The following MRS2 variants were observed in gnomAD, a reference collection of about 807,000 sequenced individuals.
MRS2 encodes the protein magnesium transporter MRS2.
Under a neutral mutation model 52.6 loss-of-function variants are expected in MRS2, and 40 were observed. That is an observed-to-expected ratio of 0.76 (90% CI 0.59 to 0.99). The LOEUF is 0.99. Among genes scored for constraint, MRS2 ranks in the 50% least tolerant of loss-of-function variants. The probability of loss-of-function intolerance (pLI) is 0.00; values close to 1 mark genes in which losing one functional copy is unlikely to be tolerated. For synonymous variants in MRS2, 193 were observed against 195.9 expected, an observed-to-expected ratio of 0.98 and a Z score of 0.13; for missense variants, 472 against 532.7, an observed-to-expected ratio of 0.89 and a Z score of 1.12.
intron 5 of MRS2, among the ~76,000 whole-genome samples, chr6:24,412,874 G>T (rs974801110): frequency 7.9e-5 from 12 of 152,078 alleles, no homozygotes; most frequent in Admixed American, 7.9e-4. Flanking sequence ...TCTTCCTCCT[G>T]TTAAGTCAGG....
intron 5 of MRS2, among the ~76,000 whole-genome samples, chr6:24,412,724 G>A (rs1381726408): frequency 2.0e-5 from 3 of 152,146 alleles, no homozygotes; most frequent in African/African-American, 7.2e-5. Context: ...TTGAGACCTA[G>A]ATTGACATAG....
chr6:24,412,283 T>C lies in MRS2; in HGVS notation c.476T>C (p.Leu159Ser). 3.1e-6 allele frequency: 5 copies of C among 1,607,580 alleles called. No individual in the cohort carries two copies. Among genetic ancestry groups the C allele is most frequent in the Non-Finnish European group, 4.2e-6 (5 of 1,177,216 alleles). Residue 159 changes from leucine to serine, a missense_variant, in exon 5 of 11, where the codon TTA becomes TCA. Coordinates refer to ENST00000378386, the MANE Select transcript of MRS2 (RefSeq NM_020662.4). The part of the protein sequence containing the change: ...LLILDYRNLN[L>S]EQWLFRELPS... ...ATATTAGATTATCGTAATTTAAACT[T>C]AGAGCAATGGCTGTTCCGGGAACTC...
chr6:24,417,970 G>A (rs1362034576), intron 7 of MRS2, 114 bp from the exon 8 acceptor site: 2 of 777,562 alleles, frequency 2.6e-6, no homozygotes, highest in East Asian at 2.8e-5. Flanking sequence ...ACAAGACAAA[G>A]GCTAGCTTTT....
At chr6:24,420,833 T>C (rs1001011614) in intron 9 of MRS2, among the ~76,000 whole-genome samples, 2 of 152,038 alleles carry the variant, frequency 1.3e-5, no homozygotes, top group African/African-American at 4.8e-5. Context: ...AAGGTTGGAA[T>C]GGTTAGAAGA....
chr6:24,423,331 C>T, intron 10 of MRS2: 1 of 454,226 alleles, frequency 2.2e-6, no homozygotes, highest in Non-Finnish European at 3.9e-6. Context: ...TACATTTAAA[C>T]AGATGTTAGT....
At position 24,424,530 on chromosome 6, in the gene MRS2, T is replaced by A. The variant is rs1041050963; in HGVS notation, c.*836T>A. 7 of 152,198 alleles carry A rather than the reference T, an allele frequency of 4.6e-5. No individual in the cohort carries two copies. The highest frequency in any genetic ancestry group is 1.7e-4 in the African/African-American group (7 of 41,450). 9.4% of individuals were successfully genotyped at this position (152,198 alleles called of 1,614,324 possible). A position where few individuals can be genotyped will look rare whatever the true frequency, so the allele number is the denominator to read the frequency against. On this transcript the variant is annotated 3_prime_UTR_variant, in exon 11 of 11. Coordinates refer to ENST00000378386, the MANE Select transcript of MRS2 (RefSeq NM_020662.4). ...GCTGACAGATGAGCTTCCTAAAACATGAGGATGAATAAATGTTAGAACTGT... is the reference window on the plus strand; with the variant it reads ...GCTGACAGATGAGCTTCCTAAAACAAGAGGATGAATAAATGTTAGAACTGT...
In MRS2 at chr6:24,418,520, C is replaced by A; in HGVS notation, c.1049C>A (p.Ser350Ter). The change falls in exon 9 of 11, where the codon TCG becomes TAG. Residue 350 changes from serine to a stop codon, truncating the protein, a stop_gained. Coordinates refer to ENST00000378386, the MANE Select transcript of MRS2 (RefSeq NM_020662.4). LOFTEE classifies it high-confidence loss of function. ...LQLTMGTFSL[S>*]LFGLMGVAFG... is the part of the protein sequence containing the mutation. ...CTGACCATGGGAACCTTCTCTCTTT[C>A]GCTCTTTGGACTAATGGGAGTTGCT... 6.2e-7 allele frequency: 1 copy of A among 1,613,996 alleles called. No homozygotes were observed. Among genetic ancestry groups the A allele is most frequent in the Middle Eastern group, 1.6e-4 (1 of 6,062 alleles).
At chr6:24,421,914 C>G (rs924998885) in intron 9 of MRS2, among the ~76,000 whole-genome samples, 3 of 152,118 alleles carry the variant, frequency 2.0e-5, no homozygotes, top group Non-Finnish European at 4.4e-5. Context: ...TTTGGTAGGC[C>G]AAGGTGGGCA....
intron 4 of MRS2, among the ~76,000 whole-genome samples, chr6:24,410,053 C>T (rs965490452): frequency 6.6e-6 from 1 of 152,018 alleles, no homozygotes; most frequent in East Asian, 1.9e-4. Flanking sequence ...GATCTTGGCT[C>T]ACTGCAACCT....
chr6:24,421,508 A>G (rs1286262373), intron 9 of MRS2, among the ~76,000 whole-genome samples: 3 of 152,254 alleles, frequency 2.0e-5, no homozygotes, highest in African/African-American at 7.2e-5. Flanking sequence ...AAAATATTTT[A>G]AGATAATTTC....
At chr6:24,419,734 C>T (rs76208768) in intron 9 of MRS2, among the ~76,000 whole-genome samples, 18,298 of 152,172 alleles carry the variant, frequency 0.12, 1,467 homozygotes, top group East Asian at 0.16. Flanking sequence ...GTACAGTCAT[C>T]CCTCAGTATC....
At chr6:24,411,423 A>C (rs1254537766) in intron 4 of MRS2, among the ~76,000 whole-genome samples, 1 of 152,210 alleles carries the variant, frequency 6.6e-6, no homozygotes, top group Non-Finnish European at 1.5e-5. Flanking sequence ...GTGGTGTTTT[A>C]AAAAGGAAAC....
intron 4 of MRS2, 84 bp from the exon 5 acceptor site, chr6:24,412,138 T>TATGTATACATATATATGAATATACATGC: frequency 1.5e-6 from 1 of 686,260 alleles, no homozygotes; most frequent in South Asian, 4.3e-5. Context: ...TATATATATG[T>TATGTATACATATATATGAATATACATGC]ATGTATACAT....
At position 24,422,982 on chromosome 6, in the gene MRS2, A is replaced by C; in HGVS notation, c.1153A>C (p.Ser385Arg). 3 of 1,614,156 alleles carry C rather than the reference A, an allele frequency of 1.9e-6. No individual in the cohort carries two copies. The highest frequency in any genetic ancestry group is 2.5e-6 in the Non-Finnish European group (3 of 1,179,998). The change falls in exon 10 of 11, where the codon AGT becomes CGT. Residue 385 changes from serine (S) to arginine (R), a missense_variant. Transcript: ENST00000378386. ...WLITGIMFMGSGLIWRRLLSF... is the reference protein window; with the variant it reads ...WLITGIMFMGRGLIWRRLLSF... ...GATTACAGGAATTATGTTCATGGGA[A>C]GTGGCCTCATCTGGAGGCGCCTGCT...
At chr6:24,414,818 C>T (rs1269962584) in intron 5 of MRS2, among the ~76,000 whole-genome samples, 1 of 152,230 alleles carries the variant, frequency 6.6e-6, no homozygotes, top group Non-Finnish European at 1.5e-5. Context: ...TCAACCAAAT[C>T]TGTGCCTAAA....
At chr6:24,405,915 C>T (rs1286822306) in intron 2 of MRS2, among the ~76,000 whole-genome samples, 1 of 151,628 alleles carries the variant, frequency 6.6e-6, no homozygotes, top group South Asian at 2.1e-4. Context: ...ACCATCCTGG[C>T]TAACACAGTG....
intron 2 of MRS2, 48 bp downstream of exon 2, chr6:24,405,289 A>C (rs1327704333): frequency 7.5e-7 from 1 of 1,332,070 alleles, no homozygotes; most frequent in Non-Finnish European, 1.1e-6. Context: ...TGCTTCCCAT[A>C]CATAAGTTAA....
chr6:24,407,673 C>T (rs187300463), intron 2 of MRS2, among the ~76,000 whole-genome samples: 1 of 152,150 alleles, frequency 6.6e-6, no homozygotes, highest in African/African-American at 2.4e-5. Flanking sequence ...GATTCTGCAA[C>T]ACCCACCAAA....
chr6:24,410,774 T>G (rs1409439439), intron 4 of MRS2: 2 of 1,528,338 alleles, frequency 1.3e-6, no homozygotes, highest in Non-Finnish European at 1.8e-6. Flanking sequence ...TTCAAAACAG[T>G]GTCTCTTTCA....
Sources: gnomAD v4.1 joint callset for allele counts (sites outside exome capture counted in the v4.1 genomes callset) on GRCh38, gnomAD v4.1.1 for gene constraint, MANE v1.5 for transcripts, NCBI Gene and HGNC (gene_info 2026-07-23, HGNC 2026-07-21) for gene names.